The following SEC31A variants were observed in gnomAD, a reference collection of about 807,000 sequenced individuals.
The protein encoded by SEC31A is protein transport protein Sec31A.
A neutral mutation model predicts 151.0 loss-of-function variants in SEC31A; 70 were observed. That is an observed-to-expected ratio of 0.46 (90% CI 0.38 to 0.57). The LOEUF (loss-of-function observed/expected upper bound fraction) is 0.57. Among genes scored for constraint, SEC31A ranks in the 20% least tolerant of loss-of-function variants. The probability of loss-of-function intolerance (pLI) is 0.00; values close to 1 mark genes in which losing one functional copy is unlikely to be tolerated. For synonymous variants in SEC31A, 475 were observed against 505.9 expected, an observed-to-expected ratio of 0.94 and a Z score of 0.82; for missense variants, 1,330 against 1,471.2, an observed-to-expected ratio of 0.90 and a Z score of 1.57.
chr4:82,825,664 T>C (rs1057510971), intron 24 of SEC31A, among the ~76,000 whole-genome samples: 7 of 152,134 alleles, frequency 4.6e-5, no homozygotes, highest in Non-Finnish European at 8.8e-5. Context: ...TTTTGGTCCT[T>C]ATACTGAGAA....
chr4:82,821,141 A>G, intron 25 of SEC31A, 33 bp from the exon 26 acceptor site: 1 of 1,546,296 alleles, frequency 6.5e-7, no homozygotes, highest in South Asian at 1.1e-5. Flanking sequence ...GTTATATTTG[A>G]ACATTAACTT....
intron 3 of SEC31A, among the ~76,000 whole-genome samples, chr4:82,898,420 G>A (rs1001156375): frequency 3.3e-5 from 5 of 152,226 alleles, no homozygotes; most frequent in Non-Finnish European, 7.3e-5. Context: ...ATCTAGAGCA[G>A]TGACCCCTTG....
intron 22 of SEC31A, among the ~76,000 whole-genome samples, chr4:82,834,040 A>G (rs964096059): frequency 1.3e-5 from 2 of 152,240 alleles, no homozygotes; most frequent in African/African-American, 4.8e-5. Flanking sequence ...AAAAAGGATC[A>G]AGGATAATTG....
chr4:82,881,245 C>T (rs1050150804), intron 2 of SEC31A, among the ~76,000 whole-genome samples: 5 of 152,216 alleles, frequency 3.3e-5, no homozygotes, highest in Middle Eastern at 3.4e-3. Flanking sequence ...ATGGGTGGAT[C>T]ATGAGGTCAG....
Position 82,881,959 on chromosome 4 carries a change from A to C in SEC31A, c.-4-19T>G. 1 of 1,593,632 alleles carries C rather than the reference A, an allele frequency of 6.3e-7. No homozygotes were observed. Among genetic ancestry groups the C allele is most frequent in the Non-Finnish European group, 8.6e-7 (1 of 1,161,416 alleles). On this transcript the variant is annotated intron_variant, in intron 1 of 26. Coordinates refer to ENST00000395310, the MANE Select transcript of SEC31A (RefSeq NM_001077207.4). Reference sequence around the variant, plus strand: ...CATCCTGCTAAAGGGAATATTTTATACAGAAACAGCCTTGAATGACTTGAA... The same window carrying C: ...CATCCTGCTAAAGGGAATATTTTATCCAGAAACAGCCTTGAATGACTTGAA...
chr4:82,893,165 C>G (rs1020749), upstream of SEC31A: 1 of 152,044 alleles, frequency 6.6e-6, no homozygotes, highest in Non-Finnish European at 1.5e-5. Context: ...ACATCCAGGG[C>G]GCAAGTGATC....
chr4:82,827,392 C>T lies in SEC31A; in HGVS notation c.3268G>A (p.Ala1090Thr), dbSNP rs752071576. ...ACCTGGAAGGTATTTCCAATAGGAGCCCCTGGGGCACCTTCAATATTGGGC... is the reference window on the plus strand; with the variant it reads ...ACCTGGAAGGTATTTCCAATAGGAGTCCCTGGGGCACCTTCAATATTGGGC... ...SKPNIEGAPGAPIGNTFQHVQ... is the reference protein window; with the variant it reads ...SKPNIEGAPGTPIGNTFQHVQ... The change falls in exon 24 of 27, where the codon GCT becomes ACT. Residue 1090 changes from alanine (A) to threonine (T), a missense_variant. Transcript: ENST00000395310. The T allele has an allele frequency of 5.0e-6, 8 of 1,614,142 alleles. No homozygotes were observed. The Admixed American group carries it at 1.0e-4, about 20-fold the overall frequency.
chr4:82,838,834 C>T (rs1043860553), intron 22 of SEC31A, among the ~76,000 whole-genome samples: 1 of 152,140 alleles, frequency 6.6e-6, no homozygotes, highest in Admixed American at 6.6e-5. Flanking sequence ...TTTCTCTGAG[C>T]CCTGAGCACA....
intron 25 of SEC31A, among the ~76,000 whole-genome samples, chr4:82,823,253 G>A (rs377557479): frequency 6.6e-6 from 1 of 152,114 alleles, no homozygotes; most frequent in Non-Finnish European, 1.5e-5. Context: ...ACTGACTCAC[G>A]CCTGAAGAAT....
rs1724879977 is a variant in SEC31A, at chr4:82,827,548, G to C, written c.3112C>G (p.Gln1038Glu). 1 of 1,614,218 alleles carries C rather than the reference G, an allele frequency of 6.2e-7. No homozygotes were observed. The highest frequency in any genetic ancestry group is 1.3e-5 in the African/African-American group (1 of 75,064). Reference sequence around the variant, plus strand: ...AGTGGTACTGGAGCTGAAGGCTGTTGCTGCAGCATTTGTGACTGGGGGTCA... The same window carrying C: ...AGTGGTACTGGAGCTGAAGGCTGTTCCTGCAGCATTTGTGACTGGGGGTCA... ...LGDPQSQMLQQQPSAPVPLSS... is the reference protein window; with the variant it reads ...LGDPQSQMLQEQPSAPVPLSS... Residue 1038 changes from glutamine (Q) to glutamate (E), a missense_variant, in exon 24 of 27, where the codon CAA becomes GAA. Transcript: ENST00000395310.
intron 4 of SEC31A, among the ~76,000 whole-genome samples, chr4:82,876,104 A>ATT (rs1737857163): frequency 8.4e-6 from 1 of 119,678 alleles, no homozygotes; most frequent in Non-Finnish European, 1.7e-5. Flanking sequence ...ATATGGATAA[A>ATT]TTCTTTTTTT....
chr4:82,871,088 A>G (rs1453843536), intron 7 of SEC31A, among the ~76,000 whole-genome samples: 1 of 152,164 alleles, frequency 6.6e-6, no homozygotes, highest in East Asian at 1.9e-4. Flanking sequence ...CATGAAGCTG[A>G]GGCAGGAGGA....
chr4:82,862,622 C>A (rs1160331060), intron 12 of SEC31A, 50 bp from the exon 13 acceptor site: 1 of 1,523,534 alleles, frequency 6.6e-7, no homozygotes, highest in Non-Finnish European at 9.1e-7. Flanking sequence ...TATTTCAGAG[C>A]ATCCAGCAAA....
At chr4:82,849,613 CAAA>C (rs5859835) in intron 19 of SEC31A, among the ~76,000 whole-genome samples, 1 of 109,710 alleles carries the variant, frequency 9.1e-6, no homozygotes, top group Admixed American at 1.1e-4. Flanking sequence ...GAATCCGTCT[CAAA>C]AAAAAAAAAA....
chr4:82,871,402 C>A (rs7686508), intron 7 of SEC31A: 1,172,625 of 1,515,346 alleles, frequency 0.77, 456,932 homozygotes, highest in Admixed American at 0.82. Flanking sequence ...TGCAGTAAGT[C>A]GTTACTTAAT....
At chr4:82,820,929 TG>T (rs1723176796) in intron 26 of SEC31A, 107 bp downstream of exon 26, 1 of 829,030 alleles carries the variant, frequency 1.2e-6, no homozygotes, top group Non-Finnish European at 2.0e-6. Context: ...CTAAATGTCA[TG>T]ACAATTTTGC....
At position 82,863,381 on chromosome 4, in the gene SEC31A, C is replaced by A. The variant is rs201191800; in HGVS notation, c.1446G>T (p.Glu482Asp). The stretch of plus-strand genomic sequence containing the variant: ...CAAGGTATTTTCCACGAGAATCATC[C>A]TCAAAGTTTACCTTTAAAAAAAAAG... Reference protein sequence around the residue: ...NVWSFLKVNFEDDSRGKYLEL... With the variant: ...NVWSFLKVNFDDDSRGKYLEL... The change falls in exon 12 of 27, where the codon GAG (glutamate) becomes GAT (aspartate). Residue 482 changes from glutamate (E) to aspartate (D), a missense_variant. Coordinates refer to ENST00000395310, the MANE Select transcript of SEC31A (RefSeq NM_001077207.4). 3.9e-4 allele frequency: 615 copies of A among 1,569,438 alleles called. 2 individuals are homozygous for A. The highest frequency in any genetic ancestry group is 1.5e-3 in the Middle Eastern group (9 of 5,922).
At chr4:82,867,547 A>C (rs968267194) in intron 8 of SEC31A, among the ~76,000 whole-genome samples, 5 of 152,258 alleles carry the variant, frequency 3.3e-5, no homozygotes, top group Admixed American at 2.0e-4. Context: ...ATCAGATTTG[A>C]ATAAACGCAT....
At chr4:82,825,870 G>A (rs137910774) in intron 24 of SEC31A, among the ~76,000 whole-genome samples, 2 of 152,294 alleles carry the variant, frequency 1.3e-5, no homozygotes, top group Admixed American at 1.3e-4. Flanking sequence ...CGAGACTTGG[G>A]GAGATTTAAA....
Sources: gnomAD v4.1 joint callset for allele counts (sites outside exome capture counted in the v4.1 genomes callset) on GRCh38, gnomAD v4.1.1 for gene constraint, MANE v1.5 for transcripts, NCBI Gene and HGNC (gene_info 2026-07-23, HGNC 2026-07-21) for gene names.